Variants in LRRTM3 observed in about 807,000 individuals in gnomAD.
LRRTM3 encodes leucine rich repeat transmembrane neuronal 3, also known as leucine-rich repeat transmembrane neuronal protein 3.
Under a neutral mutation model 44.7 loss-of-function variants are expected in LRRTM3, and 24 were observed. That is an observed-to-expected ratio of 0.54 (90% CI 0.39 to 0.76). The LOEUF (loss-of-function observed/expected upper bound fraction) is 0.76, where lower values mean the gene tolerates loss of function less well. LRRTM3 is among the 30% of genes least tolerant of loss of function. The pLI is 0.00. For synonymous variants in LRRTM3, 277 were observed against 278.7 expected, an observed-to-expected ratio of 0.99 and a Z score of 0.06; for missense variants, 587 against 702.2, an observed-to-expected ratio of 0.84 and a Z score of 1.85.
At chr10:66,932,210 C>A (rs1333328559) in intron 2 of LRRTM3, among the ~76,000 whole-genome samples, 2 of 152,308 alleles carry the variant, frequency 1.3e-5, no homozygotes, top group East Asian at 1.9e-4. Context: ...AAATTATGCT[C>A]TCCTTCTGGG....
At chr10:67,015,556 T>C (rs1852603315) in intron 2 of LRRTM3, 1 of 152,190 alleles carries the variant, frequency 6.6e-6, no homozygotes, top group Non-Finnish European at 1.5e-5. Context: ...ATGTAGCTGG[T>C]ATCTTTTCCA....
At chr10:66,932,117 C>G (rs1329517505) in intron 2 of LRRTM3, among the ~76,000 whole-genome samples, 1 of 152,114 alleles carries the variant, frequency 6.6e-6, no homozygotes, top group African/African-American at 2.4e-5. Context: ...CTCCCTCCCC[C>G]TTTTCAGCCA....
chr10:66,974,628 T>G (rs981072194), intron 2 of LRRTM3, among the ~76,000 whole-genome samples: 2 of 152,236 alleles, frequency 1.3e-5, no homozygotes, highest in African/African-American at 4.8e-5. Context: ...CCATCAGTAA[T>G]GTATAAGAGT....
intron 2 of LRRTM3, among the ~76,000 whole-genome samples, chr10:66,978,885 T>C (rs1340255196): frequency 6.6e-6 from 1 of 151,396 alleles, no homozygotes; most frequent in African/African-American, 2.4e-5. Flanking sequence ...AGCCTATTAT[T>C]TGAAGGAAGC....
intron 2 of LRRTM3, among the ~76,000 whole-genome samples, chr10:67,087,176 C>T (rs554971236): frequency 5.3e-5 from 8 of 152,102 alleles, no homozygotes; most frequent in African/African-American, 1.9e-4. Context: ...CACTTTGGGG[C>T]ATTTTGCTTT....
At chr10:66,996,665 A>AAAAAAAAAAAAG (rs1851368967) in intron 2 of LRRTM3, among the ~76,000 whole-genome samples, 1 of 150,788 alleles carries the variant, frequency 6.6e-6, no homozygotes, top group South Asian at 2.1e-4. Context: ...AAAAAAAAAA[A>AAAAAAAAAAAAG]AAAAAAGCAT....
At chr10:67,033,381 T>A (rs978732449) in intron 2 of LRRTM3, among the ~76,000 whole-genome samples, 4 of 152,156 alleles carry the variant, frequency 2.6e-5, no homozygotes, top group Non-Finnish European at 4.4e-5. Flanking sequence ...TCTCGATGCT[T>A]CTCTCCCATC....
At chr10:66,982,890 A>C (rs976927344) in intron 2 of LRRTM3, among the ~76,000 whole-genome samples, 36 of 152,140 alleles carry the variant, frequency 2.4e-4, no homozygotes, top group African/African-American at 7.7e-4. Flanking sequence ...GAAGGGGAGA[A>C]GCATAAGACC....
chr10:66,951,848 C>A (rs573460025), intron 2 of LRRTM3, among the ~76,000 whole-genome samples: 3 of 152,122 alleles, frequency 2.0e-5, no homozygotes, highest in African/African-American at 7.2e-5. Context: ...TCTCACCTGG[C>A]CTGATTAAGT....
chr10:66,987,731 C>A (rs557385930), intron 2 of LRRTM3, among the ~76,000 whole-genome samples: 1 of 152,178 alleles, frequency 6.6e-6, no homozygotes, highest in East Asian at 1.9e-4. Flanking sequence ...AAGATGCTGG[C>A]AAAATAAAAA....
chr10:67,000,276 T>G lies in LRRTM3; in HGVS notation c.1536+71824T>G, dbSNP rs528105984. On this transcript the variant is annotated intron_variant, in intron 2 of 2. Coordinates refer to ENST00000361320, the MANE Select transcript of LRRTM3 (RefSeq NM_178011.5). ...CATTTGGAATAGATTTCTAAACTCC[T>G]CTTACATAAATAATTGGTGAGTGAT... Among the ~76,000 whole-genome samples, 6 of 152,318 alleles carry G rather than the reference T, an allele frequency of 3.9e-5. No individual in the cohort carries two copies. In the East Asian group the frequency reaches 9.7e-4, roughly 25 times the overall value.
chr10:66,997,215 T>C (rs1473630871), intron 2 of LRRTM3, among the ~76,000 whole-genome samples: 8 of 152,194 alleles, frequency 5.3e-5, no homozygotes, highest in Admixed American at 3.3e-4. Context: ...TAATTTTCCA[T>C]AGTTGTGACT....
At chr10:67,008,809 A>T (rs1852159285) in intron 2 of LRRTM3, among the ~76,000 whole-genome samples, 1 of 152,182 alleles carries the variant, frequency 6.6e-6, no homozygotes, top group Non-Finnish European at 1.5e-5. Flanking sequence ...CCAGTGCATA[A>T]GAATCTTTTT....
chr10:66,949,421 G>T (rs1323961736), intron 2 of LRRTM3, among the ~76,000 whole-genome samples: 1 of 152,180 alleles, frequency 6.6e-6, no homozygotes, highest in Non-Finnish European at 1.5e-5. Context: ...AGCCTGGCGT[G>T]TTGGCATATG....
intron 2 of LRRTM3, among the ~76,000 whole-genome samples, chr10:67,093,528 G>T (rs1857787334): frequency 6.6e-6 from 1 of 151,868 alleles, no homozygotes; most frequent in African/African-American, 2.4e-5. Context: ...GGAATTTATT[G>T]TGAGTTGGTG....
At chr10:66,965,685 CTG>C (rs1311293398) in intron 2 of LRRTM3, among the ~76,000 whole-genome samples, 1 of 151,000 alleles carries the variant, frequency 6.6e-6, no homozygotes, top group Non-Finnish European at 1.5e-5. Flanking sequence ...CAAAGCAAAA[CTG>C]TAGCAAAGCC....
intron 2 of LRRTM3, among the ~76,000 whole-genome samples, chr10:66,931,335 C>T (rs557675487): frequency 1.3e-5 from 2 of 152,180 alleles, no homozygotes; most frequent in Non-Finnish European, 2.9e-5. Context: ...CCCCAGTACA[C>T]ATAGTGCTAC....
At chr10:66,979,707 G>A (rs539260882) in intron 2 of LRRTM3, among the ~76,000 whole-genome samples, 1 of 152,256 alleles carries the variant, frequency 6.6e-6, no homozygotes, top group African/African-American at 2.4e-5. Context: ...GTACTGTTGT[G>A]CACACATTGA....
intron 2 of LRRTM3, among the ~76,000 whole-genome samples, chr10:66,987,926 T>C (rs1850824261): frequency 6.6e-6 from 1 of 152,322 alleles, no homozygotes; most frequent in Middle Eastern, 3.4e-3. Context: ...TTTCAATTTT[T>C]CAAATGATCT....
Sources: gnomAD v4.1 joint callset for allele counts (sites outside exome capture counted in the v4.1 genomes callset) on GRCh38, gnomAD v4.1.1 for gene constraint, MANE v1.5 for transcripts, NCBI Gene and HGNC (gene_info 2026-07-23, HGNC 2026-07-21) for gene names.